DPH6: variants seen among roughly 807,000 people sequenced by gnomAD.
DPH6 encodes the protein diphthamine biosynthesis 6.
Under a neutral mutation model 38.2 loss-of-function variants are expected in DPH6, and 33 were observed. That is an observed-to-expected ratio of 0.86 (90% CI 0.65 to 1.15). DPH6 has a LOEUF of 1.15. Among genes scored for constraint, DPH6 ranks in the 50% most tolerant of loss-of-function variants. The probability of loss-of-function intolerance (pLI) is 0.00; values close to 1 mark genes in which losing one functional copy is unlikely to be tolerated. For missense variants in DPH6, 325 were observed against 320.0 expected (o/e 1.02, Z -0.12); for synonymous variants, 108 against 103.0 (o/e 1.05, Z -0.30).
intron 3 of DPH6, among the ~76,000 whole-genome samples, chr15:35,348,338 A>G (rs573362147): frequency 1.3e-5 from 2 of 152,270 alleles, no homozygotes; most frequent in South Asian, 4.1e-4. Context: ...ATGGTGTAAG[A>G]GTGGGTCCAA....
intron 3 of DPH6, among the ~76,000 whole-genome samples, chr15:35,467,503 T>C (rs1431244866): frequency 6.6e-6 from 1 of 151,044 alleles, no homozygotes; most frequent in East Asian, 1.9e-4. Flanking sequence ...GAGGCGGAGG[T>C]TGCAGTGAGC....
chr15:35,311,477 T>C (rs990121717), intron 3 of DPH6, among the ~76,000 whole-genome samples: 1 of 152,186 alleles, frequency 6.6e-6, no homozygotes, highest in Non-Finnish European at 1.5e-5. Context: ...TCAGAGGAAT[T>C]TGTCTACAAT....
chr15:35,229,099 T>C (rs1248986693), intron 3 of DPH6, among the ~76,000 whole-genome samples: 2 of 152,194 alleles, frequency 1.3e-5, no homozygotes, highest in African/African-American at 4.8e-5. Context: ...TCCCCTATGT[T>C]TGAAAAATTC....
chr15:35,282,524 G>A, intron 3 of DPH6: 1 of 230,548 alleles, frequency 4.3e-6, no homozygotes, highest in Non-Finnish European at 9.0e-6. Context: ...GGCAGACTGT[G>A]CTGGGTTGTC....
chr15:35,238,589 GAA>G (rs1452692494), intron 3 of DPH6, among the ~76,000 whole-genome samples: 2 of 152,108 alleles, frequency 1.3e-5, no homozygotes, highest in African/African-American at 4.8e-5. Flanking sequence ...GGAAATTTGG[GAA>G]AAGACTATGT....
chr15:35,480,194 G>A (rs1189510769), intron 3 of DPH6, among the ~76,000 whole-genome samples: 7 of 151,898 alleles, frequency 4.6e-5, no homozygotes, highest in African/African-American at 1.4e-4. Context: ...CCTGGGATGG[G>A]TTTGAGACAC....
intron 3 of DPH6, chr15:35,521,097 TA>T (rs1447987907): frequency 2.0e-6 from 2 of 985,236 alleles, no homozygotes; most frequent in East Asian, 2.3e-4. Context: ...TTTCAGCCAA[TA>T]AAAGTCAAAA....
At chr15:35,436,504 C>CAAAAAAAAAAAAAAAAAAAAAAAA (rs371533654) in intron 5 of DPH6, among the ~76,000 whole-genome samples, 1 of 108,214 alleles carries the variant, frequency 9.2e-6, no homozygotes, top group Non-Finnish European at 1.7e-5. Context: ...CAAAACAAAA[C>CAAAAAAAAAAAAAAAAAAAAAAAA]AAAACAAAAC....
At chr15:35,516,717 G>T (rs1045259965) in intron 3 of DPH6, among the ~76,000 whole-genome samples, 1 of 152,134 alleles carries the variant, frequency 6.6e-6, no homozygotes, top group East Asian at 1.9e-4. Flanking sequence ...TGGTCTCCAG[G>T]CAATCATTTT....
intron 1 of DPH6, among the ~76,000 whole-genome samples, chr15:35,544,961 A>G (rs1286606356): frequency 6.6e-6 from 1 of 152,230 alleles, no homozygotes; most frequent in Admixed American, 6.5e-5. Context: ...GTTACAGAGG[A>G]CATTTACTGA....
At chr15:35,155,523 A>C in the DPH6 span, among the ~76,000 whole-genome samples, 2 of 152,226 alleles carry the variant, frequency 1.3e-5, no homozygotes, top group Admixed American at 1.3e-4. Flanking sequence ...TTTCTACCTC[A>C]TCAGACTGCC....
intron 6 of DPH6, among the ~76,000 whole-genome samples, chr15:35,403,884 T>C (rs2053255605): frequency 6.6e-6 from 1 of 151,990 alleles, no homozygotes; most frequent in African/African-American, 2.4e-5. Context: ...CCACTACCAT[T>C]TCCAGCCTCT....
At chr15:35,331,420 A>G (rs1229393043) in intron 3 of DPH6, among the ~76,000 whole-genome samples, 1 of 152,242 alleles carries the variant, frequency 6.6e-6, no homozygotes, top group Non-Finnish European at 1.5e-5. Context: ...AAATCATGCT[A>G]CCACATAACA....
chr15:35,240,634 G>A (rs1414295933), intron 3 of DPH6, among the ~76,000 whole-genome samples: 1 of 143,258 alleles, frequency 7.0e-6, no homozygotes, highest in Non-Finnish European at 1.5e-5. Context: ...GGCATAGTCA[G>A]GGTTAATGCT....
intron 3 of DPH6, among the ~76,000 whole-genome samples, chr15:35,286,503 C>G (rs533660435): frequency 1.3e-5 from 2 of 152,260 alleles, no homozygotes; most frequent in South Asian, 4.1e-4. Flanking sequence ...GCAACATAAG[C>G]AGTAGGAGCA....
chr15:35,250,978 C>T (rs994975816), intron 3 of DPH6, among the ~76,000 whole-genome samples: 2 of 150,546 alleles, frequency 1.3e-5, no homozygotes, highest in African/African-American at 4.9e-5. Context: ...TAAGTCGTGC[C>T]AAGCAATCTA....
the DPH6 span, among the ~76,000 whole-genome samples, chr15:35,179,719 G>A: frequency 6.6e-6 from 1 of 152,132 alleles, no homozygotes; most frequent in East Asian, 1.9e-4. Flanking sequence ...GGGATGCTAG[G>A]ATGGCCCTTT....
At chr15:35,280,428 A>C (rs1255991291) in intron 3 of DPH6, among the ~76,000 whole-genome samples, 1 of 152,206 alleles carries the variant, frequency 6.6e-6, no homozygotes, top group East Asian at 1.9e-4. Context: ...AGTATCATGG[A>C]AGAGAAGTGA....
intron 5 of DPH6, among the ~76,000 whole-genome samples, chr15:35,435,047 T>A (rs2053679817): frequency 6.6e-6 from 1 of 152,058 alleles, no homozygotes; most frequent in Non-Finnish European, 1.5e-5. Context: ...GAACTGGAAT[T>A]ACAGGTGTGA....
Sources: allele counts gnomAD v4.1 joint callset (sites outside exome capture counted in the v4.1 genomes callset), GRCh38; gene constraint gnomAD v4.1.1; transcripts MANE v1.5; gene names NCBI Gene and HGNC (gene_info 2026-07-23, HGNC 2026-07-21).